Variants in FSD1L observed in about 807,000 individuals in gnomAD.
FSD1L encodes the protein FSD1-like protein.
FSD1L carries 45 observed loss-of-function variants against 71.6 expected under a neutral mutation model. The ratio of observed to expected loss-of-function variants is 0.63; its 90% CI spans 0.49 to 0.81. The LOEUF (loss-of-function observed/expected upper bound fraction) is 0.81, where lower values mean the gene tolerates loss of function less well. FSD1L is among the 30% of genes least tolerant of loss of function. The probability of loss-of-function intolerance (pLI) is 0.00; values close to 1 mark genes in which losing one functional copy is unlikely to be tolerated. For synonymous variants in FSD1L, 197 were observed against 207.2 expected (o/e 0.95, Z 0.42); for missense variants, 561 against 618.1 (o/e 0.91, Z 0.98).
intron 10 of FSD1L, among the ~76,000 whole-genome samples, chr9:105,519,496 A>G (rs964872127): frequency 6.6e-6 from 1 of 152,238 alleles, no homozygotes; most frequent in Non-Finnish European, 1.5e-5. Context: ...CTGGTTCAAC[A>G]TATAGAAATC....
chr9:105,544,780 G>A (rs935541455), intron 13 of FSD1L, among the ~76,000 whole-genome samples: 2 of 152,178 alleles, frequency 1.3e-5, no homozygotes, highest in East Asian at 1.9e-4. Context: ...TGTTCCATTG[G>A]TCTATATCTC....
At chr9:105,521,496 T>C (rs938897798) in intron 10 of FSD1L, 3 of 1,613,976 alleles carry the variant, frequency 1.9e-6, no homozygotes, top group Non-Finnish European at 2.5e-6. Context: ...GACAGAGATA[T>C]TTCGTCAGGC....
At chr9:105,479,218 TA>T (rs1358768370) in intron 5 of FSD1L, 135 bp from the exon 6 acceptor site, 2 of 651,038 alleles carry the variant, frequency 3.1e-6, no homozygotes, top group African/African-American at 1.8e-5. Context: ...AAATTTTCTA[TA>T]GTTTGTGTTT....
intron 1 of FSD1L, among the ~76,000 whole-genome samples, chr9:105,448,686 G>A (rs1376582314): frequency 2.6e-5 from 4 of 152,210 alleles, no homozygotes. Context: ...TCTCGTCTCA[G>A]CACCACGCTC....
Position 105,512,801 on chromosome 9 carries a change from G to T in FSD1L, c.896-6G>T. ...TAAAAATATATTTAAATATTATCTT[G>T]AATAGCACTTAACTTCAATTTGGAT... On this transcript the variant is annotated splice_polypyrimidine_tract_variant and splice_region_variant and intron_variant, in intron 9 of 13. Transcript: ENST00000481272. 6.9e-7 allele frequency: 1 copy of T among 1,448,744 alleles called. No homozygotes were observed. The highest frequency in any genetic ancestry group is 1.4e-5 in the South Asian group (1 of 71,030). The allele number at this position is 1,448,744 out of a possible 1,614,324, so 89.7% of individuals were successfully genotyped here. A position where few individuals can be genotyped will look rare whatever the true frequency, so the allele number is the denominator to read the frequency against.
intron 3 of FSD1L, among the ~76,000 whole-genome samples, 158 bp downstream of exon 3, chr9:105,464,489 GT>G: frequency 6.6e-6 from 1 of 152,128 alleles, no homozygotes; most frequent in Non-Finnish European, 1.5e-5. Context: ...TGCAATTCCT[GT>G]TTTGTCCATG....
At chr9:105,461,281 G>T (rs1232423870) in intron 1 of FSD1L, among the ~76,000 whole-genome samples, 2 of 151,952 alleles carry the variant, frequency 1.3e-5, no homozygotes, top group Admixed American at 1.3e-4. Context: ...TGGTTTTTGA[G>T]CACTTGAAAT....
intron 5 of FSD1L, 121 bp downstream of exon 5, chr9:105,472,126 T>G: frequency 4.2e-6 from 5 of 1,191,128 alleles, no homozygotes; most frequent in Non-Finnish European, 5.5e-6. Flanking sequence ...GCCTTGGGGT[T>G]TCTTGATAAG....
chr9:105,498,601 C>G (rs1313851944), intron 7 of FSD1L, among the ~76,000 whole-genome samples: 1 of 152,142 alleles, frequency 6.6e-6, no homozygotes, highest in Non-Finnish European at 1.5e-5. Context: ...CTGTCATTGA[C>G]CAAAATGTTG....
At chr9:105,508,826 T>C in intron 9 of FSD1L, 111 bp downstream of exon 9, 1 of 608,650 alleles carries the variant, frequency 1.6e-6, no homozygotes, top group South Asian at 2.1e-5. Context: ...TCTCTACTTC[T>C]CCTAGCCTAG....
At chr9:105,512,260 TTATC>T (rs1189582635) in intron 9 of FSD1L, among the ~76,000 whole-genome samples, 3 of 152,096 alleles carry the variant, frequency 2.0e-5, no homozygotes, top group Non-Finnish European at 1.5e-5. Context: ...GTCATGTAAA[TTATC>T]TATCAGCTGG....
intron 10 of FSD1L, among the ~76,000 whole-genome samples, chr9:105,532,388 C>T (rs1460227666): frequency 6.6e-6 from 1 of 152,116 alleles, no homozygotes; most frequent in African/African-American, 2.4e-5. Flanking sequence ...TCTTACTATA[C>T]TAGTTAATGA....
At chr9:105,461,133 G>GTTTATTT (rs948264882) in intron 1 of FSD1L, among the ~76,000 whole-genome samples, 3 of 152,092 alleles carry the variant, frequency 2.0e-5, no homozygotes, top group African/African-American at 7.2e-5. Flanking sequence ...CTTTTAGGTC[G>GTTTATTT]TTTATTTTTA....
At chr9:105,465,624 C>T (rs1010859524) in intron 3 of FSD1L, among the ~76,000 whole-genome samples, 3 of 151,992 alleles carry the variant, frequency 2.0e-5, no homozygotes, top group Admixed American at 6.6e-5. Flanking sequence ...ATGTGATACA[C>T]CATATTAACA....
chr9:105,506,487 T>G lies in FSD1L; in HGVS notation c.675T>G (p.Asn225Lys), dbSNP rs1396721994. The change falls in exon 8 of 14, where the codon AAT (asparagine) becomes AAG (lysine). Residue 225 changes from asparagine (N) to lysine (K), a missense_variant. Asn to Lys is a moderately conservative substitution (Grantham distance 94). Coordinates refer to ENST00000481272, the MANE Select transcript of FSD1L (RefSeq NM_001145313.3). The stretch of plus-strand genomic sequence containing the variant: ...CTTGGAGAATGCCAGAAGAAGATAA[T>G]AAGATTGACCATTTTATACTGGAAC... ...TVAWRMPEED[N>K]KIDHFILEHR... 2 of 1,551,236 alleles carry G rather than the reference T, an allele frequency of 1.3e-6. No homozygotes were observed. Among genetic ancestry groups the G allele is most frequent in the Admixed American group, 2.0e-5 (1 of 50,962 alleles).
At chr9:105,445,221 T>C (rs1829616979), upstream of FSD1L, among the ~76,000 whole-genome samples, 1 of 152,106 alleles carries the variant, frequency 6.6e-6, no homozygotes, top group South Asian at 2.1e-4. Context: ...ACTAGCTGTT[T>C]CCCAGATGGG....
At chr9:105,488,880 T>C (rs887501411) in intron 7 of FSD1L, among the ~76,000 whole-genome samples, 2 of 150,256 alleles carry the variant, frequency 1.3e-5, no homozygotes, top group African/African-American at 4.9e-5. Context: ...AAGTTGGAAA[T>C]CAAGTTCTTC....
At chr9:105,472,138 A>C in intron 5 of FSD1L, 133 bp downstream of exon 5, 2 of 1,080,182 alleles carry the variant, frequency 1.9e-6, no homozygotes, top group Non-Finnish European at 2.5e-6. Context: ...CTTGATAAGT[A>C]AAATGCTGGC....
chr9:105,488,926 G>A (rs1832733982), intron 7 of FSD1L, among the ~76,000 whole-genome samples: 1 of 151,340 alleles, frequency 6.6e-6, no homozygotes. Context: ...ACCGTGAGGT[G>A]ATGGCAAATA....
Sources: gnomAD v4.1 joint callset for allele counts (sites outside exome capture counted in the v4.1 genomes callset) on GRCh38, gnomAD v4.1.1 for gene constraint, MANE v1.5 for transcripts, NCBI Gene and HGNC (gene_info 2026-07-23, HGNC 2026-07-21) for gene names.